The following EFHC2 variants were observed in gnomAD, a reference collection of about 807,000 sequenced individuals.
EFHC2 encodes the protein EF-hand domain containing 2, also known as EF-hand domain-containing family member C2.
A neutral mutation model predicts 52.7 loss-of-function variants in EFHC2; 18 were observed. That is an observed-to-expected ratio of 0.34 (90% CI 0.24 to 0.51). EFHC2 has a LOEUF of 0.51. Ranked by LOEUF, EFHC2 falls within the 20% of genes least tolerant of loss-of-function variation. The pLI, the probability that EFHC2 is intolerant of heterozygous loss-of-function variation, is 0.97. For missense variants in EFHC2, 513 were observed against 562.5 expected, an observed-to-expected ratio of 0.91 and a Z score of 0.89; for synonymous variants, 203 against 204.1, an observed-to-expected ratio of 0.99 and a Z score of 0.04.
chrX:44,280,118 C>T (rs761135892), intron 2 of EFHC2, among the ~76,000 whole-genome samples: 144 of 108,614 alleles, frequency 1.3e-3, no homozygotes, highest in South Asian at 2.8e-3. Flanking sequence ...TTTTAAAGCT[C>T]CCCAAGTGAT....
At chrX:44,289,513 C>T (rs2037776460) in intron 2 of EFHC2, among the ~76,000 whole-genome samples, 1 of 110,666 alleles carries the variant, frequency 9.0e-6, no homozygotes, top group South Asian at 3.8e-4. Context: ...CCAATGTCAA[C>T]TTTGCCTTTG....
chrX:44,155,863 T>C (rs1173663014), intron 14 of EFHC2, among the ~76,000 whole-genome samples: 1 of 112,580 alleles, frequency 8.9e-6, no homozygotes, highest in African/African-American at 3.2e-5. Flanking sequence ...ATTTTGCGAA[T>C]ATTTCTTGAG....
At chrX:44,153,913 T>G (rs1289216515) in intron 14 of EFHC2, among the ~76,000 whole-genome samples, 1 of 112,438 alleles carries the variant, frequency 8.9e-6, no homozygotes, top group Admixed American at 9.4e-5. Flanking sequence ...CAAAGCAAAC[T>G]CATATCATAT....
chrX:44,329,029 A>T (rs1286491581), intron 1 of EFHC2, among the ~76,000 whole-genome samples: 1 of 111,407 alleles, frequency 9.0e-6, no homozygotes, highest in East Asian at 2.8e-4. Context: ...ATTTTGTCCA[A>T]TTCTTTGTTC....
At chrX:44,272,093 C>T (rs1442838091) in intron 3 of EFHC2, among the ~76,000 whole-genome samples, 1 of 111,812 alleles carries the variant, frequency 8.9e-6, no homozygotes, top group Non-Finnish European at 1.9e-5. Context: ...TTAATGCAAC[C>T]TAGGATTAGC....
Position 44,250,235 on chromosome X carries a change from C to T in EFHC2, c.817G>A (p.Asp273Asn). ...KELLPHSSGR[D>N]ALKMFLRRSK... Reference sequence around the variant, plus strand: ...CTCCGGAGGAACATTTTTAGAGCATCTCGGCCTGAGCTGTGTGGAAGCAAT... The same window carrying T: ...CTCCGGAGGAACATTTTTAGAGCATTTCGGCCTGAGCTGTGTGGAAGCAAT... Residue 273 changes from aspartate (D) to asparagine (N), a missense_variant, in exon 5 of 15, where the codon GAT (aspartate) becomes AAT (asparagine). Asp to Asn is a conservative substitution (Grantham distance 23, BLOSUM62 1). Coordinates refer to ENST00000420999, the MANE Select transcript of EFHC2 (RefSeq NM_025184.4). 1 of 1,210,912 alleles carries T rather than the reference C, an allele frequency of 8.3e-7. No homozygotes were observed. The highest frequency in any genetic ancestry group is 1.1e-6 in the Non-Finnish European group (1 of 895,135).
intron 8 of EFHC2, among the ~76,000 whole-genome samples, chrX:44,236,946 A>G (rs928299390): frequency 8.9e-6 from 1 of 112,074 alleles, no homozygotes; most frequent in Non-Finnish European, 1.9e-5. Flanking sequence ...ATATTACTGT[A>G]AATTTAACTT....
chrX:44,305,408 T>G lies in EFHC2; in HGVS notation c.231+7160A>C, dbSNP rs532319208. Among the ~76,000 whole-genome samples the G allele has an allele frequency of 2.7e-4, 30 of 112,547 alleles. No homozygotes were observed. The South Asian group carries it at 9.1e-3, about 34-fold the overall frequency. On this transcript the variant is annotated intron_variant, in intron 2 of 14. Coordinates refer to ENST00000420999, the MANE Select transcript of EFHC2 (RefSeq NM_025184.4). ...CTCCAATATAACTTCCATGGCACAGTTGCTGATCTTGTCTTTATTTAAAAT... is the reference window on the plus strand; with the variant it reads ...CTCCAATATAACTTCCATGGCACAGGTGCTGATCTTGTCTTTATTTAAAAT...
chrX:44,236,757 A>G (rs2037323360), intron 8 of EFHC2, among the ~76,000 whole-genome samples: 2 of 111,310 alleles, frequency 1.8e-5, no homozygotes, highest in South Asian at 7.6e-4. Flanking sequence ...CAGGCTTCAG[A>G]CAGACCTCAT....
chrX:44,184,903 G>A (rs1395676703), intron 11 of EFHC2, among the ~76,000 whole-genome samples: 2 of 110,965 alleles, frequency 1.8e-5, no homozygotes, highest in African/African-American at 6.6e-5. Flanking sequence ...TCCACAGAGA[G>A]TAGTGGTTTT....
At chrX:44,254,090 G>A (rs917840403) in intron 4 of EFHC2, among the ~76,000 whole-genome samples, 7 of 112,201 alleles carry the variant, frequency 6.2e-5, no homozygotes, top group African/African-American at 2.3e-4. Context: ...CAAAAAGGAT[G>A]TCCAAATGAA....
At chrX:44,186,680 T>C (rs868295735) in intron 11 of EFHC2, among the ~76,000 whole-genome samples, 3 of 111,924 alleles carry the variant, frequency 2.7e-5, no homozygotes, top group Admixed American at 9.5e-5. Flanking sequence ...CAGGTACTTA[T>C]TGATCACACA....
At chrX:44,300,206 A>T (rs1178317889) in intron 2 of EFHC2, among the ~76,000 whole-genome samples, 4 of 112,061 alleles carry the variant, frequency 3.6e-5, no homozygotes, top group African/African-American at 9.7e-5. Flanking sequence ...CCTAAAATTT[A>T]AGTCAACAAG....
chrX:44,219,075 T>A (rs2037173241), intron 11 of EFHC2, among the ~76,000 whole-genome samples: 1 of 99,296 alleles, frequency 1.0e-5, no homozygotes, highest in Non-Finnish European at 2.0e-5. Context: ...ACGAAAGAAG[T>A]CACAAAAGAG....
At chrX:44,206,745 T>C (rs1475451063) in intron 11 of EFHC2, among the ~76,000 whole-genome samples, 1 of 112,215 alleles carries the variant, frequency 8.9e-6, no homozygotes, top group Non-Finnish European at 1.9e-5. Context: ...TGCTCATGGA[T>C]TGTAAGAATC....
intron 1 of EFHC2, among the ~76,000 whole-genome samples, chrX:44,337,657 A>G (rs1389644166): frequency 1.8e-5 from 2 of 112,421 alleles, no homozygotes; most frequent in African/African-American, 3.2e-5. Flanking sequence ...ATATGTGCTT[A>G]TTTTGAGTTT....
At chrX:44,168,633 G>A (rs944987364) in intron 13 of EFHC2, among the ~76,000 whole-genome samples, 27 of 111,672 alleles carry the variant, frequency 2.4e-4, no homozygotes, top group Middle Eastern at 4.7e-3. Context: ...GTTCTCCAGA[G>A]AAATTCAATG....
intron 2 of EFHC2, among the ~76,000 whole-genome samples, chrX:44,296,636 G>A (rs1490575506): frequency 9.0e-6 from 1 of 111,576 alleles, no homozygotes; most frequent in African/African-American, 3.3e-5. Context: ...TACAGTTGTA[G>A]CAGCCTATTA....
At chrX:44,266,868 T>C (rs982630360) in intron 3 of EFHC2, among the ~76,000 whole-genome samples, 2 of 111,304 alleles carry the variant, frequency 1.8e-5, no homozygotes, top group African/African-American at 3.3e-5. Flanking sequence ...ATTTGCCTGA[T>C]CAAGCAGATT....
Sources: gnomAD v4.1 joint callset for allele counts (sites outside exome capture counted in the v4.1 genomes callset) on GRCh38, gnomAD v4.1.1 for gene constraint, MANE v1.5 for transcripts, NCBI Gene and HGNC (gene_info 2026-07-23, HGNC 2026-07-21) for gene names.